The following EPHB1 variants were observed in gnomAD, a reference collection of about 807,000 sequenced individuals.
EPHB1 encodes ephrin type-B receptor 1.
EPHB1 carries 30 observed loss-of-function variants against 94.4 expected under a neutral mutation model. That is an observed-to-expected ratio of 0.32 (90% CI 0.24 to 0.43). The LOEUF is 0.43. Ranked by LOEUF, EPHB1 falls within the 20% of genes least tolerant of loss-of-function variation. EPHB1 has a pLI of 1.00. For missense variants in EPHB1, 1,055 were observed against 1,308.3 expected (o/e 0.81, Z 2.99); for synonymous variants, 522 against 489.1 (o/e 1.07, Z -0.89).
At position 135,055,634 on chromosome 3, in the gene EPHB1, G is replaced by A. The variant is rs62273116; in HGVS notation, c.806-50814G>A. ...CAAGGCTTCCCATACAGATCACCAA[G>A]TTGCTTTCTAAAAGGTAGTCCTGGT... On this transcript the variant is annotated intron_variant, in intron 3 of 15. Coordinates refer to ENST00000398015, the MANE Select transcript of EPHB1 (RefSeq NM_004441.5). Among the ~76,000 whole-genome samples the A allele has an allele frequency of 7.0e-3, 1,060 of 152,284 alleles. 5 individuals carry two copies. The highest frequency in any genetic ancestry group is 0.01 in the Non-Finnish European group (707 of 68,018).
chr3:135,079,869 C>T (rs1439942750), intron 3 of EPHB1, among the ~76,000 whole-genome samples: 1 of 152,094 alleles, frequency 6.6e-6, no homozygotes, highest in Non-Finnish European at 1.5e-5. Context: ...TCTCCATTCT[C>T]TAATGCATGG....
intron 1 of EPHB1, among the ~76,000 whole-genome samples, chr3:134,861,812 T>C (rs1515363): frequency 0.55 from 83,230 of 151,982 alleles, 25,618 homozygotes; most frequent in East Asian, 0.8. Flanking sequence ...AGCAAACCAC[T>C]ATGGCACACG....
chr3:135,232,482 C>T (rs1183910735), intron 12 of EPHB1, among the ~76,000 whole-genome samples: 2 of 152,164 alleles, frequency 1.3e-5, no homozygotes, highest in African/African-American at 2.4e-5. Context: ...GGTCACTGCT[C>T]GAAGGCAGAG....
At chr3:134,866,155 A>C (rs2037373091) in intron 1 of EPHB1, among the ~76,000 whole-genome samples, 1 of 152,216 alleles carries the variant, frequency 6.6e-6, no homozygotes, top group Admixed American at 6.5e-5. Flanking sequence ...AGCCTTGGAC[A>C]GTGGGCAAGA....
chr3:134,965,632 T>C (rs998106622), intron 3 of EPHB1, among the ~76,000 whole-genome samples: 106 of 152,304 alleles, frequency 7.0e-4, no homozygotes, highest in African/African-American at 2.5e-3. Context: ...TCTGTGGAGA[T>C]TGATTTTTTC....
intron 4 of EPHB1, among the ~76,000 whole-genome samples, chr3:135,127,772 G>C (rs1481292657): frequency 2.0e-5 from 3 of 152,154 alleles, no homozygotes; most frequent in Non-Finnish European, 4.4e-5. Flanking sequence ...AGAAGCAGGA[G>C]ATTCTATCTT....
chr3:134,830,528 A>G (rs2036562857), intron 1 of EPHB1, among the ~76,000 whole-genome samples: 1 of 152,056 alleles, frequency 6.6e-6, no homozygotes. Context: ...TTTGATCTGG[A>G]GATGGGGGTC....
chr3:134,801,403 T>C (rs1178873472), intron 1 of EPHB1, among the ~76,000 whole-genome samples: 1 of 152,162 alleles, frequency 6.6e-6, no homozygotes, highest in East Asian at 1.9e-4. Context: ...GGGACCCCTA[T>C]GTGTTCTGGG....
intron 3 of EPHB1, among the ~76,000 whole-genome samples, chr3:135,095,846 T>A (rs2107793694): frequency 6.6e-6 from 1 of 152,316 alleles, no homozygotes; most frequent in South Asian, 2.1e-4. Flanking sequence ...CTCTGCCTGT[T>A]ATAGGGGGCT....
chr3:134,904,244 C>T (rs1466182357), intron 1 of EPHB1, among the ~76,000 whole-genome samples: 1 of 152,236 alleles, frequency 6.6e-6, no homozygotes, highest in African/African-American at 2.4e-5. Context: ...ATTATCGCAA[C>T]ACATCGCCTG....
At chr3:134,880,147 G>C (rs1427808422) in intron 1 of EPHB1, among the ~76,000 whole-genome samples, 1 of 152,192 alleles carries the variant, frequency 6.6e-6, no homozygotes, top group Admixed American at 6.5e-5. Flanking sequence ...ACTGGCCCAA[G>C]GGCAGCTGGT....
At chr3:135,065,516 G>A (rs139307858) in intron 3 of EPHB1, among the ~76,000 whole-genome samples, 3 of 152,258 alleles carry the variant, frequency 2.0e-5, no homozygotes, top group Middle Eastern at 3.4e-3. Context: ...AACCCTGCTT[G>A]CTTTTGGTGT....
chr3:135,042,901 G>A (rs1441323473), intron 3 of EPHB1, among the ~76,000 whole-genome samples: 1 of 152,038 alleles, frequency 6.6e-6, no homozygotes, highest in African/African-American at 2.4e-5. Flanking sequence ...GAGTGCAGTG[G>A]CGCAATCTCG....
At chr3:134,847,276 A>G (rs2036894195) in intron 1 of EPHB1, among the ~76,000 whole-genome samples, 1 of 152,170 alleles carries the variant, frequency 6.6e-6, no homozygotes, top group African/African-American at 2.4e-5. Flanking sequence ...GTAGCCACTC[A>G]CCCTGAGGCT....
intron 3 of EPHB1, among the ~76,000 whole-genome samples, chr3:135,104,993 C>G (rs555567912): frequency 4.0e-4 from 61 of 152,286 alleles, no homozygotes; most frequent in African/African-American, 1.4e-3. Flanking sequence ...CTGTGTGATC[C>G]TTGGTAACTT....
intron 1 of EPHB1, among the ~76,000 whole-genome samples, chr3:134,876,879 C>T (rs1309399486): frequency 1.3e-5 from 2 of 152,310 alleles, no homozygotes; most frequent in African/African-American, 4.8e-5. Flanking sequence ...TGACTGCTCC[C>T]ACCTTCCCCA....
At chr3:135,080,187 T>TG (rs1272635492) in intron 3 of EPHB1, among the ~76,000 whole-genome samples, 1 of 152,170 alleles carries the variant, frequency 6.6e-6, no homozygotes, top group Admixed American at 6.5e-5. Flanking sequence ...AGGAATCTCC[T>TG]GGGGAAGCGA....
At chr3:134,912,009 G>A (rs2038465668) in intron 1 of EPHB1, among the ~76,000 whole-genome samples, 1 of 152,236 alleles carries the variant, frequency 6.6e-6, no homozygotes, top group Admixed American at 6.5e-5. Flanking sequence ...GGGCCCAGGA[G>A]GGCCTGGCAG....
intron 1 of EPHB1, among the ~76,000 whole-genome samples, chr3:134,822,302 A>G (rs2036397581): frequency 6.6e-6 from 1 of 152,086 alleles, no homozygotes; most frequent in African/African-American, 2.4e-5. Context: ...AGGCATGGTC[A>G]AACTCCACAC....
Sources: gnomAD v4.1 joint callset for allele counts (sites outside exome capture counted in the v4.1 genomes callset) on GRCh38, gnomAD v4.1.1 for gene constraint, MANE v1.5 for transcripts, NCBI Gene and HGNC (gene_info 2026-07-23, HGNC 2026-07-21) for gene names.